The following ATXN2 variants were observed in gnomAD, a reference collection of about 807,000 sequenced individuals.
ATXN2 encodes the protein ataxin-2.
ATXN2 carries 37 observed loss-of-function variants against 138.6 expected under a neutral mutation model. The ratio of observed to expected loss-of-function variants is 0.27; its 90% CI spans 0.21 to 0.35. The LOEUF (loss-of-function observed/expected upper bound fraction) is 0.35. Ranked by LOEUF, ATXN2 falls within the 10% of genes least tolerant of loss-of-function variation. The pLI is 1.00. For missense variants in ATXN2, 1,216 were observed against 1,480.3 expected, an observed-to-expected ratio of 0.82 and a Z score of 2.93; for synonymous variants, 549 against 543.7, an observed-to-expected ratio of 1.01 and a Z score of -0.13.
At chr12:111,559,137 T>G (rs1295116128) in intron 1 of ATXN2, among the ~76,000 whole-genome samples, 4 of 133,732 alleles carry the variant, frequency 3.0e-5, no homozygotes, top group Non-Finnish European at 4.6e-5. Context: ...CAGTTTTTTG[T>G]TTTTTTTTTT....
intron 1 of ATXN2, among the ~76,000 whole-genome samples, chr12:111,562,347 A>G (rs747778406): frequency 6.6e-6 from 1 of 152,078 alleles, no homozygotes; most frequent in Admixed American, 6.6e-5. Context: ...ACTTGAGCCC[A>G]GGAGTTTGAG....
In ATXN2 at chr12:111,516,370, G is replaced by A; in HGVS notation, c.1166-7C>T. The A allele has an allele frequency of 6.4e-7, 1 of 1,558,198 alleles. No individual in the cohort carries two copies. Among genetic ancestry groups the A allele is most frequent in the East Asian group, 2.4e-5 (1 of 41,494 alleles). ...GGCGATGGCCAGGGAACACCTGACAGAACAAATGATATGAAGGAAAGTATA... is the reference window on the plus strand; with the variant it reads ...GGCGATGGCCAGGGAACACCTGACAAAACAAATGATATGAAGGAAAGTATA... On this transcript the variant is annotated splice_region_variant and splice_polypyrimidine_tract_variant and intron_variant, in intron 9 of 24. Coordinates refer to ENST00000673436, the MANE Select transcript of ATXN2 (RefSeq NM_001372574.1). The surrounding 1 kb of genome is among the most constrained non-coding windows in gnomAD (Gnocchi z 5.0).
chr12:111,472,897 T>G (rs1366298881), intron 18 of ATXN2, among the ~76,000 whole-genome samples: 1 of 152,188 alleles, frequency 6.6e-6, no homozygotes, highest in Non-Finnish European at 1.5e-5. Flanking sequence ...AATATGCTAT[T>G]GAAGGTATAC....
intron 24 of ATXN2, 116 bp from the exon 25 acceptor site, chr12:111,452,956 A>G (rs1874772656): frequency 9.4e-7 from 1 of 1,063,364 alleles, no homozygotes; most frequent in African/African-American, 1.9e-5. Flanking sequence ...AAAACTCAAA[A>G]TTGAATTCGC....
intron 5 of ATXN2, among the ~76,000 whole-genome samples, chr12:111,540,555 A>G (rs999436296): frequency 4.6e-5 from 7 of 150,636 alleles, no homozygotes; most frequent in African/African-American, 1.7e-4. Context: ...AAATAAAAAT[A>G]AACTGCATTT....
intron 1 of ATXN2, among the ~76,000 whole-genome samples, chr12:111,583,940 AT>A (rs1884171859): frequency 6.6e-6 from 1 of 152,004 alleles, no homozygotes; most frequent in Non-Finnish European, 1.5e-5. Flanking sequence ...AAAAATTCAA[AT>A]TTAACTGAGT....
chr12:111,546,209 TA>T (rs1219881958), intron 5 of ATXN2, among the ~76,000 whole-genome samples: 1 of 152,202 alleles, frequency 6.6e-6, no homozygotes, highest in Non-Finnish European at 1.5e-5. Context: ...GTTGTAAGTT[TA>T]AAGGACAGAG....
At chr12:111,555,818 TC>T (rs1882359118) in intron 2 of ATXN2, 64 bp downstream of exon 2, 2 of 1,363,888 alleles carry the variant, frequency 1.5e-6, no homozygotes, top group Non-Finnish European at 2.0e-6. Context: ...TGGCATTTGG[TC>T]TGTGGTTAGA....
intron 14 of ATXN2, among the ~76,000 whole-genome samples, chr12:111,495,713 C>T (rs965760200): frequency 1.3e-5 from 2 of 152,152 alleles, no homozygotes; most frequent in African/African-American, 4.8e-5. Flanking sequence ...AAACATTAGA[C>T]CTAATTTGCT....
chr12:111,583,838 A>T (rs1010416656), intron 1 of ATXN2, among the ~76,000 whole-genome samples: 2 of 151,754 alleles, frequency 1.3e-5, no homozygotes, highest in Non-Finnish European at 2.9e-5. Context: ...GATAAAATAC[A>T]AGATGCTCAG....
intron 18 of ATXN2, 111 bp downstream of exon 18, chr12:111,485,154 G>C: frequency 2.1e-6 from 2 of 955,144 alleles, no homozygotes. Flanking sequence ...CCAATGCATA[G>C]CCTCATCAAA....
intron 1 of ATXN2, among the ~76,000 whole-genome samples, chr12:111,572,691 C>A (rs1212159238): frequency 2.0e-5 from 3 of 152,214 alleles, no homozygotes; most frequent in Non-Finnish European, 4.4e-5. Flanking sequence ...CCTAAAGTCA[C>A]AGAGGAAAGG....
chr12:111,491,206 T>C (rs544395535), intron 14 of ATXN2, among the ~76,000 whole-genome samples: 2 of 152,148 alleles, frequency 1.3e-5, no homozygotes, highest in South Asian at 2.1e-4. Context: ...TGAGCTGAGA[T>C]TGCGTCACTA....
At chr12:111,487,981 TTTAA>T (rs1877753639) in intron 15 of ATXN2, among the ~76,000 whole-genome samples, 1 of 152,188 alleles carries the variant, frequency 6.6e-6, no homozygotes, top group Admixed American at 6.5e-5. Flanking sequence ...TAAAAGTCCA[TTTAA>T]TTAATATACT....
In ATXN2 at chr12:111,462,977, TAC is replaced by T. The variant is rs59710594; in HGVS notation, c.2896+1683_2896+1684del. ...ATACACACATACATATATATATATA[TAC>T]ACACACACACACACACACACACATA... On this transcript the variant is annotated intron_variant, in intron 21 of 24. Transcript: ENST00000673436. Among the ~76,000 whole-genome samples the T allele has an allele frequency of 2.9e-3, 427 of 147,712 alleles. 2 individuals are homozygous for T. The highest frequency in any genetic ancestry group is 3.9e-3 in the African/African-American group (157 of 39,870).
At chr12:111,512,061 C>A (rs1301429068) in intron 11 of ATXN2, 1 of 151,968 alleles carries the variant, frequency 6.6e-6, no homozygotes, top group African/African-American at 2.4e-5. Context: ...ACCTTCACCT[C>A]CTGGGTTCAA....
chr12:111,598,949 GGCTGCTGCTGCTGCTGCTGCT>G lies in ATXN2; in HGVS notation c.65_85del (p.Gln22_Gln28del), dbSNP rs10560189. 2.1e-6 allele frequency: 3 copies of G among 1,411,992 alleles called. No individual in the cohort carries two copies. The highest frequency in any genetic ancestry group is 4.5e-5 in the Admixed American group (2 of 44,224). 87.5% of individuals were successfully genotyped at this position (1,411,992 alleles called of 1,614,324 possible). On this transcript the variant is annotated inframe_deletion, in exon 1 of 25. Transcript: ENST00000673436. This position sits in a 1 kb window ranked among gnomAD's most constrained non-coding sequence, Gnocchi z 4.5. ...GCGGACATTGGCAGCCGCGGGCGGCGGCTGCTGCTGCTGCTGCTGCTGCTGCTGTTGCTGCTGCTGCTGCTG... is the reference window on the plus strand; with the variant it reads ...GCGGACATTGGCAGCCGCGGGCGGCGGCTGCTGTTGCTGCTGCTGCTGCTG...
At chr12:111,592,495 G>A (rs1050905795) in intron 1 of ATXN2, among the ~76,000 whole-genome samples, 4 of 150,934 alleles carry the variant, frequency 2.7e-5, no homozygotes, top group Non-Finnish European at 5.9e-5. Context: ...AAAAAGATAC[G>A]GCAGCGGCCA....
chr12:111,554,180 A>T lies in ATXN2; in HGVS notation c.326T>A (p.Val109Asp), dbSNP rs1882269219. The T allele has an allele frequency of 1.3e-6, 2 of 1,497,080 alleles. No homozygotes were observed. The highest frequency in any genetic ancestry group is 9.0e-7 in the Non-Finnish European group (1 of 1,114,464). The allele number at this position is 1,497,080 out of a possible 1,614,324, so 92.7% of individuals were successfully genotyped here. The change falls in exon 3 of 25, where the codon GTT (valine) becomes GAT (aspartate). Residue 109 changes from valine (V) to aspartate (D), a missense_variant. Coordinates refer to ENST00000673436, the MANE Select transcript of ATXN2 (RefSeq NM_001372574.1). ...TACAACAACTGATGTAAGTATATGAACCATCCTCATATTTGCATAGATTCC... is the reference window on the plus strand; with the variant it reads ...TACAACAACTGATGTAAGTATATGATCCATCCTCATATTTGCATAGATTCC... ...FDGIYANMRMVHILTSVVGSK... is the reference protein window; with the variant it reads ...FDGIYANMRMDHILTSVVGSK...
Sources: gnomAD v4.1 joint callset for allele counts (sites outside exome capture counted in the v4.1 genomes callset) on GRCh38, gnomAD v4.1.1 for gene constraint, Gnocchi (gnomAD v3.1) non-coding constraint, MANE v1.5 for transcripts, NCBI Gene and HGNC (gene_info 2026-07-23, HGNC 2026-07-21) for gene names.